Variants in RAB11FIP5 observed in about 807,000 individuals in gnomAD.
The protein encoded by RAB11FIP5 is RAB11 family interacting protein 5.
In RAB11FIP5, 48 loss-of-function variants were observed where a neutral mutation model predicts 85.1. The observed-to-expected ratio is 0.56, with a 90% CI of 0.45 to 0.72. The LOEUF is 0.72. Ranked by LOEUF, RAB11FIP5 falls within the 30% of genes least tolerant of loss-of-function variation. RAB11FIP5 has a pLI of 0.00. For missense variants in RAB11FIP5, 1,491 were observed against 1,687.0 expected (o/e 0.88, Z 2.04); for synonymous variants, 729 against 727.3 (o/e 1.00, Z -0.04).
intron 1 of RAB11FIP5, among the ~76,000 whole-genome samples, chr2:73,100,456 C>T (rs552031519): frequency 6.6e-5 from 9 of 135,540 alleles, no homozygotes; most frequent in African/African-American, 1.4e-4. Context: ...GATGGAGTCT[C>T]GCTCTGTCAT....
At chr2:73,106,277 T>C (rs1205452653) in intron 1 of RAB11FIP5, among the ~76,000 whole-genome samples, 2 of 152,106 alleles carry the variant, frequency 1.3e-5, no homozygotes, top group East Asian at 1.9e-4. Context: ...GCTCCAGATG[T>C]GGGGATTCAG....
chr2:73,090,640 C>A (rs1028391239), intron 1 of RAB11FIP5, among the ~76,000 whole-genome samples: 1 of 152,192 alleles, frequency 6.6e-6, no homozygotes, highest in Non-Finnish European at 1.5e-5. Flanking sequence ...AGAAGACAAT[C>A]TGAAAAGGCT....
At chr2:73,104,622 G>A (rs112410611) in intron 1 of RAB11FIP5, among the ~76,000 whole-genome samples, 4 of 152,136 alleles carry the variant, frequency 2.6e-5, no homozygotes, top group Non-Finnish European at 4.4e-5. Flanking sequence ...AAGTCCTGCT[G>A]TTTTGCTGAG....
At chr2:73,100,424 G>GT (rs1684406513) in intron 1 of RAB11FIP5, among the ~76,000 whole-genome samples, 4 of 133,052 alleles carry the variant, frequency 3.0e-5, no homozygotes, top group East Asian at 2.5e-4. Flanking sequence ...TTTTGGTTGT[G>GT]GTTTTTTTTT....
Position 73,089,000 on chromosome 2 carries a change from G to T in RAB11FIP5, c.747C>A (p.Asn249Lys). The T allele has an allele frequency of 6.2e-7, 1 of 1,614,244 alleles. No homozygotes were observed. Among genetic ancestry groups the T allele is most frequent in the South Asian group, 1.1e-5 (1 of 91,090 alleles). Residue 249 changes from asparagine to lysine, a missense_variant, in exon 2 of 6, where the codon AAC becomes AAA. Asn to Lys is a moderately conservative substitution (Grantham distance 94, BLOSUM62 0). This residue lies in a region of RAB11FIP5 where 1,211 missense variants were observed against 1,338.0 expected (regional missense o/e 0.91). Transcript: ENST00000486777. ...KLRKSSLTQS[N>K]TSLGSDSTLS... Reference sequence around the variant, plus strand: ...GGGTGCTGTCCGAGCCCAGCGAGGTGTTGGACTGGGTCAGGGACGACTTGC... The same window carrying T: ...GGGTGCTGTCCGAGCCCAGCGAGGTTTTGGACTGGGTCAGGGACGACTTGC...
In RAB11FIP5 at chr2:73,089,018, C is replaced by T. The variant is rs780397445; in HGVS notation, c.729G>A (p.Ser243=). Residue 243 remains serine, a synonymous_variant, in exon 2 of 6, where the codon TCG becomes TCA. Coordinates refer to ENST00000486777, the MANE Select transcript of RAB11FIP5 (RefSeq NM_001371272.1). This position sits in a 1 kb window ranked among gnomAD's most constrained non-coding sequence, Gnocchi z 4.6. Reference sequence around the variant, plus strand: ...GCGAGGTGTTGGACTGGGTCAGGGACGACTTGCGCAGCTTGTTGCGGAGGA... The same window carrying T: ...GCGAGGTGTTGGACTGGGTCAGGGATGACTTGCGCAGCTTGTTGCGGAGGA... The part of the protein sequence containing the change: ...GFFLRNKLRK[S]SLTQSNTSLG... 5.3e-5 allele frequency: 86 copies of T among 1,614,094 alleles called. No individual in the cohort carries two copies. Among genetic ancestry groups the T allele is most frequent in the South Asian group, 9.9e-5 (9 of 91,096 alleles).
intron 1 of RAB11FIP5, among the ~76,000 whole-genome samples, chr2:73,104,651 A>C (rs1206194269): frequency 6.6e-6 from 1 of 152,184 alleles, no homozygotes; most frequent in East Asian, 1.9e-4. Flanking sequence ...ACAGGGAACT[A>C]AGCTTGGCTC....
intron 1 of RAB11FIP5, among the ~76,000 whole-genome samples, chr2:73,105,319 C>T (rs1684503071): frequency 6.6e-6 from 1 of 152,104 alleles, no homozygotes; most frequent in Admixed American, 6.5e-5. Flanking sequence ...CATTGCTAAT[C>T]GCAGCCTTGA....
At chr2:73,084,921 T>C (rs1684064090) in intron 3 of RAB11FIP5, among the ~76,000 whole-genome samples, 1 of 152,184 alleles carries the variant, frequency 6.6e-6, no homozygotes, top group African/African-American at 2.4e-5. Context: ...GGGCCCAACG[T>C]GCAGGAAACA....
At chr2:73,092,227 A>G (rs1684228913) in intron 1 of RAB11FIP5, among the ~76,000 whole-genome samples, 1 of 151,986 alleles carries the variant, frequency 6.6e-6, no homozygotes, top group Non-Finnish European at 1.5e-5. Context: ...AAGGGTATGG[A>G]CTCCAGCCCC....
intron 1 of RAB11FIP5, among the ~76,000 whole-genome samples, chr2:73,092,539 C>T (rs1188807965): frequency 6.6e-6 from 1 of 152,186 alleles, no homozygotes; most frequent in African/African-American, 2.4e-5. Flanking sequence ...CAAAATGGGC[C>T]GTGCTCCTCT....
At chr2:73,085,090 AGG>A (rs1684067530) in intron 3 of RAB11FIP5, among the ~76,000 whole-genome samples, 1 of 152,192 alleles carries the variant, frequency 6.6e-6, no homozygotes, top group South Asian at 2.1e-4. Flanking sequence ...GGAGCACATG[AGG>A]AGAGCAGGAC....
rs910172173 is a variant in RAB11FIP5 at position 73,087,938 on chromosome 2, C to T, written c.1568+112G>A. The T allele has an allele frequency of 1.8e-5, 20 of 1,090,460 alleles. No homozygotes were observed. The Admixed American group carries it at 3.2e-4, about 18-fold the overall frequency. 67.5% of individuals were successfully genotyped at this position (1,090,460 alleles called of 1,614,324 possible). On this transcript the variant is annotated intron_variant, in intron 3 of 5. Coordinates refer to ENST00000486777, the MANE Select transcript of RAB11FIP5 (RefSeq NM_001371272.1). ...ACTAAACCATGCAAAGCCAGAGCCCCAGCAGCCTGCCTGAGGTCCATATCT... is the reference window on the plus strand; with the variant it reads ...ACTAAACCATGCAAAGCCAGAGCCCTAGCAGCCTGCCTGAGGTCCATATCT...
At position 73,081,685 on chromosome 2, in the gene RAB11FIP5, T is replaced by C. The variant is rs1683987823; in HGVS notation, c.1569-22A>G. The C allele has an allele frequency of 1.6e-6, 2 of 1,231,514 alleles. No individual in the cohort carries two copies. Among genetic ancestry groups the C allele is most frequent in the Non-Finnish European group, 1.0e-6 (1 of 987,560 alleles). The allele number at this position is 1,231,514 out of a possible 1,614,324, so 76.3% of individuals were successfully genotyped here. ...CAGGCTGTGGAGGGAGACAAAACCG[T>C]GAGCCTCCTGGTTAATGCCAAGACT... On this transcript the variant is annotated intron_variant, in intron 3 of 5. Transcript: ENST00000486777. The surrounding 1 kb of genome is among the most constrained non-coding windows in gnomAD (Gnocchi z 4.2).
intron 1 of RAB11FIP5, among the ~76,000 whole-genome samples, chr2:73,093,159 C>A (rs1017775761): frequency 1.3e-5 from 2 of 152,194 alleles, no homozygotes; most frequent in Non-Finnish European, 1.5e-5. Context: ...GAGCCCCACA[C>A]GCAGCAGAGC....
intron 3 of RAB11FIP5, among the ~76,000 whole-genome samples, chr2:73,085,366 T>A (rs1200402502): frequency 6.6e-6 from 1 of 152,190 alleles, no homozygotes; most frequent in Non-Finnish European, 1.5e-5. Flanking sequence ...CTTCTGTGCA[T>A]AGAGTCCTAT....
chr2:73,088,397 A>C lies in RAB11FIP5; in HGVS notation c.1221T>G (p.Ser407Arg). 6.2e-7 allele frequency: 1 copy of C among 1,613,690 alleles called. No individual in the cohort carries two copies. Among genetic ancestry groups the C allele is most frequent in the South Asian group, 1.1e-5 (1 of 91,084 alleles). The change falls in exon 3 of 6, where the codon AGT becomes AGG. Residue 407 changes from serine to arginine, a missense_variant. Coordinates refer to ENST00000486777, the MANE Select transcript of RAB11FIP5 (RefSeq NM_001371272.1). ...SEAVLGQEEL[S>R]AQAKVLAPGA... Reference sequence around the variant, plus strand: ...CAGGGGCCAGGACTTTAGCCTGAGCACTCAGCTCCTCCTGTCCAAGCACTG... The same window carrying C: ...CAGGGGCCAGGACTTTAGCCTGAGCCCTCAGCTCCTCCTGTCCAAGCACTG...
chr2:73,104,849 C>T (rs1256508280), intron 1 of RAB11FIP5, among the ~76,000 whole-genome samples: 2 of 152,162 alleles, frequency 1.3e-5, no homozygotes, highest in Non-Finnish European at 2.9e-5. Flanking sequence ...TTTTTATATG[C>T]TGCTTTGTAG....
At position 73,081,442 on chromosome 2, in the gene RAB11FIP5, T is replaced by A. The variant is rs1683981711; in HGVS notation, c.1790A>T (p.Asn597Ile). Residue 597 changes from asparagine (N) to isoleucine (I), a missense_variant, in exon 4 of 6, where the codon AAC (asparagine) becomes ATC (isoleucine). Coordinates refer to ENST00000486777, the MANE Select transcript of RAB11FIP5 (RefSeq NM_001371272.1). This position sits in a 1 kb window ranked among gnomAD's most constrained non-coding sequence, Gnocchi z 4.2. ...ATPPGLLGLT[N>I]PFLTSLQSNP... ...GCTCTGCAAAGAGGTGAGGAACGGG[T>A]TGGTAAGACCCAATAATCCAGGTGG... is the stretch of plus-strand genomic sequence containing the variant. The A allele has an allele frequency of 8.1e-7, 1 of 1,232,732 alleles. No homozygotes were observed. The highest frequency in any genetic ancestry group is 1.0e-6 in the Non-Finnish European group (1 of 988,330). 76.4% of individuals were successfully genotyped at this position (1,232,732 alleles called of 1,614,324 possible).
Sources: allele counts gnomAD v4.1 joint callset (sites outside exome capture counted in the v4.1 genomes callset), GRCh38; gene constraint gnomAD v4.1.1; regional missense constraint gnomAD v4.1.1; non-coding constraint Gnocchi (gnomAD v3.1); transcripts MANE v1.5; gene names NCBI Gene and HGNC (gene_info 2026-07-23, HGNC 2026-07-21).